Variants in AFAP1L2 observed in about 807,000 individuals in gnomAD.
AFAP1L2 encodes the protein actin filament associated protein 1 like 2.
In AFAP1L2, 46 loss-of-function variants were observed where a neutral mutation model predicts 99.3. The observed-to-expected ratio is 0.46, with a 90% CI of 0.37 to 0.59. The LOEUF (loss-of-function observed/expected upper bound fraction) is 0.59, where lower values mean the gene tolerates loss of function less well. Ranked by LOEUF, AFAP1L2 falls within the 20% of genes least tolerant of loss-of-function variation. AFAP1L2 has a pLI of 0.00. For missense variants in AFAP1L2, 959 were observed against 1,034.9 expected (o/e 0.93, Z 1.01); for synonymous variants, 397 against 419.1 (o/e 0.95, Z 0.64).
At chr10:114,323,328 T>C in intron 4 of AFAP1L2, 67 bp from the exon 5 acceptor site, 1 of 1,408,652 alleles carries the variant, frequency 7.1e-7, no homozygotes. Context: ...TGGAAATAAC[T>C]CTTCGGGTGG....
At position 114,340,661 on chromosome 10, in the gene AFAP1L2, T is replaced by G; in HGVS notation, c.87A>C (p.Thr29=). Residue 29 remains threonine, a synonymous_variant, in exon 2 of 19, where the codon ACA becomes ACC. Transcript: ENST00000304129. The part of the protein sequence containing the change: ...KILDQENLSS[T]ALVKKSCLAE... Reference sequence around the variant, plus strand: ...CCAGGCAGCTCTTCTTCACCAGTGCTGTGCTGCTCAGGTTCTCCTGGTCAA... The same window carrying G: ...CCAGGCAGCTCTTCTTCACCAGTGCGGTGCTGCTCAGGTTCTCCTGGTCAA... 6.2e-7 allele frequency: 1 copy of G among 1,614,226 alleles called. No individual in the cohort carries two copies. Among genetic ancestry groups the G allele is most frequent in the Non-Finnish European group, 8.5e-7 (1 of 1,180,038 alleles).
intron 1 of AFAP1L2, among the ~76,000 whole-genome samples, chr10:114,363,630 A>G (rs2052767717): frequency 2.0e-5 from 3 of 152,218 alleles, no homozygotes. Flanking sequence ...TTATAGATGA[A>G]ACAGGTGGCA....
At chr10:114,286,650 C>G in the AFAP1L2 span, 1 of 704,196 alleles carries the variant, frequency 1.4e-6, no homozygotes, top group Non-Finnish European at 2.3e-6. Flanking sequence ...AGGCACCAGT[C>G]ACATAAATAA....
chr10:114,325,484 G>A (rs1282710302), intron 4 of AFAP1L2, among the ~76,000 whole-genome samples: 1 of 152,246 alleles, frequency 6.6e-6, no homozygotes, highest in Non-Finnish European at 1.5e-5. Flanking sequence ...GAGCTGATAT[G>A]AGGCACAGGG....
intron 1 of AFAP1L2, among the ~76,000 whole-genome samples, chr10:114,355,681 TTC>T (rs1262822379): frequency 1.3e-5 from 2 of 152,148 alleles, no homozygotes; most frequent in Non-Finnish European, 2.9e-5. Context: ...ATCAAAAAAT[TTC>T]TGTCGGGTCC....
chr10:114,304,494 G>C (rs1188125431), intron 11 of AFAP1L2, among the ~76,000 whole-genome samples: 1 of 152,142 alleles, frequency 6.6e-6, no homozygotes, highest in Non-Finnish European at 1.5e-5. Context: ...TCTGCCCTAA[G>C]TGCAGGAAGT....
At chr10:114,352,913 A>G (rs1259680882) in intron 1 of AFAP1L2, among the ~76,000 whole-genome samples, 2 of 152,210 alleles carry the variant, frequency 1.3e-5, no homozygotes, top group Admixed American at 6.5e-5. Flanking sequence ...TACAGTGGAT[A>G]CCTGTTGCTT....
chr10:114,368,453 A>G (rs1457845474), intron 1 of AFAP1L2, among the ~76,000 whole-genome samples: 1 of 152,020 alleles, frequency 6.6e-6, no homozygotes, highest in Non-Finnish European at 1.5e-5. Flanking sequence ...AGGGTCTCGT[A>G]CCATCACCCA....
chr10:114,391,763 C>A (rs752773969), intron 1 of AFAP1L2, among the ~76,000 whole-genome samples: 1 of 152,176 alleles, frequency 6.6e-6, no homozygotes, highest in Non-Finnish European at 1.5e-5. Context: ...TACCAGGCAG[C>A]CCTGAAGCAT....
intron 13 of AFAP1L2, 108 bp from the exon 14 acceptor site, chr10:114,300,798 C>T (rs2041028060): frequency 6.3e-6 from 9 of 1,428,166 alleles, no homozygotes; most frequent in East Asian, 2.3e-5. Context: ...CACAGTGTTC[C>T]AAGAGATCTC....
downstream of AFAP1L2, chr10:114,291,483 T>C (rs2039594337): frequency 1.9e-6 from 1 of 514,970 alleles, no homozygotes; most frequent in Non-Finnish European, 3.4e-6. Context: ...TTGAAAAGTT[T>C]TGATGTGTAA....
At chr10:114,318,240 C>T (rs1193367460) in intron 5 of AFAP1L2, among the ~76,000 whole-genome samples, 2 of 152,214 alleles carry the variant, frequency 1.3e-5, no homozygotes, top group Non-Finnish European at 2.9e-5. Flanking sequence ...CATTGGGATA[C>T]TTCCTTCAGT....
chr10:114,315,532 G>T, intron 6 of AFAP1L2, 28 bp downstream of exon 6: 1 of 1,610,920 alleles, frequency 6.2e-7, no homozygotes, highest in South Asian at 1.1e-5. Flanking sequence ...GAGGAGTCGG[G>T]GGACAAGACG....
intron 1 of AFAP1L2, among the ~76,000 whole-genome samples, chr10:114,359,544 C>A (rs1190756813): frequency 6.6e-6 from 1 of 152,230 alleles, no homozygotes; most frequent in African/African-American, 2.4e-5. Context: ...CCCTGCAGAG[C>A]AGTTCTGCTC....
intron 1 of AFAP1L2, among the ~76,000 whole-genome samples, chr10:114,352,424 A>G (rs1388568728): frequency 1.4e-5 from 2 of 138,850 alleles, no homozygotes; most frequent in African/African-American, 5.3e-5. Flanking sequence ...CAGTGATCCA[A>G]GATGGAGCCA....
chr10:114,338,191 A>G (rs1590296816), intron 2 of AFAP1L2, among the ~76,000 whole-genome samples: 1 of 152,200 alleles, frequency 6.6e-6, no homozygotes. Context: ...AAGTCCTTGA[A>G]ATGTAGCCTG....
At chr10:114,360,500 GA>G (rs2052136714) in intron 1 of AFAP1L2, among the ~76,000 whole-genome samples, 1 of 121,252 alleles carries the variant, frequency 8.2e-6, no homozygotes, top group East Asian at 2.4e-4. Flanking sequence ...TAGATAGATA[GA>G]TAGATAGTTA....
In AFAP1L2 at chr10:114,299,304, C is replaced by T. The variant is rs757258396; in HGVS notation, c.2069G>A (p.Arg690Gln). The change falls in exon 16 of 19, where the codon CGG becomes CAG. Residue 690 changes from arginine to glutamine, a missense_variant. Arg to Gln is a conservative substitution (Grantham distance 43). Around this residue, in one of 2 missense-constraint regions of AFAP1L2, gnomAD observed 576 missense variants for 562.1 expected, o/e 1.02. Transcript: ENST00000304129. ...EEIRGHLAQL[R>Q]KEKRELKETL... ...TTCCTTTAGCTCCCGTTTCTCTTTC[C>T]GGAGCTGAGCCAGGTGCCCCCGGAT... 5.6e-6 allele frequency: 9 copies of T among 1,614,238 alleles called. No homozygotes were observed. The highest frequency in any genetic ancestry group is 1.1e-5 in the South Asian group (1 of 91,084).
In AFAP1L2 at chr10:114,315,897, C is replaced by T. The variant is rs141137458; in HGVS notation, c.407-132G>A. 82 of 868,440 alleles carry T rather than the reference C, an allele frequency of 9.4e-5. No individual in the cohort carries two copies. In the African/African-American group the frequency reaches 1.2e-3, roughly 13 times the overall value. 53.8% of individuals were successfully genotyped at this position (868,440 alleles called of 1,614,324 possible). A position where few individuals can be genotyped will look rare whatever the true frequency, so the allele number is the denominator to read the frequency against. ...CCCCCGACTCTCCCTGCCCTCAAAG[C>T]AGCCCCACAGCCAGCAGCCAGATCC... On this transcript the variant is annotated intron_variant, in intron 5 of 18. Coordinates refer to ENST00000304129, the MANE Select transcript of AFAP1L2 (RefSeq NM_001001936.3).
Sources: allele counts gnomAD v4.1 joint callset (sites outside exome capture counted in the v4.1 genomes callset), GRCh38; gene constraint gnomAD v4.1.1; regional missense constraint gnomAD v4.1.1; transcripts MANE v1.5; gene names NCBI Gene and HGNC (gene_info 2026-07-23, HGNC 2026-07-21).